The following GBF1 variants were observed in gnomAD, a reference collection of about 807,000 sequenced individuals.
GBF1 encodes Golgi-specific brefeldin A-resistance guanine nucleotide exchange factor 1.
A neutral mutation model predicts 210.5 loss-of-function variants in GBF1; 114 were observed. That is an observed-to-expected ratio of 0.54 (90% CI 0.47 to 0.63). The LOEUF is 0.63. Ranked by LOEUF, GBF1 falls within the 30% of genes least tolerant of loss-of-function variation. The probability of loss-of-function intolerance (pLI) is 0.00; values close to 1 mark genes in which losing one functional copy is unlikely to be tolerated. For missense variants in GBF1, 1,851 were observed against 2,357.7 expected (o/e 0.79, Z 4.45); for synonymous variants, 850 against 889.2 (o/e 0.96, Z 0.78).
In GBF1 at chr10:102,358,640, G is replaced by T. The variant is rs891943686; in HGVS notation, c.922G>T (p.Asp308Tyr). 6.2e-7 allele frequency: 1 copy of T among 1,613,928 alleles called. No homozygotes were observed. The highest frequency in any genetic ancestry group is 8.5e-7 in the Non-Finnish European group (1 of 1,179,912). The change falls in exon 10 of 40, where the codon GAT (aspartate) becomes TAT (tyrosine). Residue 308 changes from aspartate to tyrosine, a missense_variant. Asp to Tyr is a radical substitution (Grantham distance 160). Around this residue, in one of 3 missense-constraint regions of GBF1, gnomAD observed 804 missense variants for 958.6 expected, o/e 0.84. Coordinates refer to ENST00000369983, the MANE Select transcript of GBF1 (RefSeq NM_001377137.1). ...SQTTSKEDLT[D>Y]LEQPGSPGYS... Reference sequence around the variant, plus strand: ...AACCACTTCCAAGGAAGACCTTACTGATCTAGAGCAACCTGGCTCTCCAGG... The same window carrying T: ...AACCACTTCCAAGGAAGACCTTACTTATCTAGAGCAACCTGGCTCTCCAGG...
chr10:102,274,262 T>C (rs1257089744), intron 3 of GBF1, among the ~76,000 whole-genome samples: 1 of 152,088 alleles, frequency 6.6e-6, no homozygotes, highest in Non-Finnish European at 1.5e-5. Context: ...TATGCTTTGG[T>C]TTGCTGAAAG....
At chr10:102,234,768 G>T in the GBF1 span, among the ~76,000 whole-genome samples, 2 of 152,186 alleles carry the variant, frequency 1.3e-5, no homozygotes, top group African/African-American at 2.4e-5. Flanking sequence ...GGGAAAAGCA[G>T]TCCCACCCTT....
At chr10:102,380,741 C>T in intron 38 of GBF1, 55 bp downstream of exon 38, 3 of 1,412,920 alleles carry the variant, frequency 2.1e-6, no homozygotes, top group Non-Finnish European at 2.9e-6. Flanking sequence ...GGCACAATGG[C>T]TCACACCTCT....
chr10:102,276,916 A>C (rs1035241057), intron 3 of GBF1, among the ~76,000 whole-genome samples: 1 of 152,100 alleles, frequency 6.6e-6, no homozygotes, highest in Non-Finnish European at 1.5e-5. Context: ...AATAATTTCA[A>C]ATTTAAAGGT....
intron 1 of GBF1, 38 bp from the exon 2 acceptor site, chr10:102,258,890 CA>C: frequency 9.2e-7 from 1 of 1,087,792 alleles, no homozygotes; most frequent in Non-Finnish European, 1.4e-6. Context: ...TTTGGGTAAC[CA>C]AATATTAACC....
chr10:102,368,950 C>A, intron 23 of GBF1, 118 bp downstream of exon 23: 1 of 706,160 alleles, frequency 1.4e-6, no homozygotes, highest in Non-Finnish European at 2.5e-6. Flanking sequence ...ACTGCCCCCA[C>A]TTGAATATAC....
chr10:102,278,275 C>CT (rs75537807), intron 3 of GBF1, among the ~76,000 whole-genome samples: 7,990 of 142,418 alleles, frequency 0.056, 223 homozygotes, highest in Non-Finnish European at 0.064. Flanking sequence ...AACAAAAACA[C>CT]TTTTTTTTTT....
At chr10:102,339,094 G>A (rs2057987073) in intron 3 of GBF1, among the ~76,000 whole-genome samples, 1 of 152,230 alleles carries the variant, frequency 6.6e-6, no homozygotes, top group African/African-American at 2.4e-5. Flanking sequence ...CGGGCATGGT[G>A]GCTCACGCCT....
At chr10:102,306,462 C>T (rs1385038840) in intron 3 of GBF1, among the ~76,000 whole-genome samples, 2 of 152,112 alleles carry the variant, frequency 1.3e-5, no homozygotes, top group African/African-American at 2.4e-5. Context: ...CTGCTCTTGT[C>T]GCCCAGGCTG....
intron 6 of GBF1, 140 bp from the exon 7 acceptor site, chr10:102,352,318 C>A: frequency 1.5e-6 from 1 of 674,504 alleles, no homozygotes; most frequent in Non-Finnish European, 2.7e-6. Context: ...TTCTGGCTGC[C>A]AGGCTGAGCT....
chr10:102,354,820 G>GAGCT (rs772801340), intron 8 of GBF1, among the ~76,000 whole-genome samples: 14 of 152,156 alleles, frequency 9.2e-5, no homozygotes, highest in Non-Finnish European at 1.6e-4. Context: ...CCTTGTCTCA[G>GAGCT]AGCTGGCATA....
Position 102,260,018 on chromosome 10 carries a change from TA to T in GBF1, c.97-30del, listed in dbSNP as rs765045197. 5 of 1,270,528 alleles carry T rather than the reference TA, an allele frequency of 3.9e-6. No individual in the cohort carries two copies. The South Asian group carries it at 6.1e-5, about 16-fold the overall frequency. The allele number at this position is 1,270,528 out of a possible 1,614,324, so 78.7% of individuals were successfully genotyped here. A position where few individuals can be genotyped will look rare whatever the true frequency, so the allele number is the denominator to read the frequency against. On this transcript the variant is annotated intron_variant, in intron 2 of 39. Coordinates refer to ENST00000369983, the MANE Select transcript of GBF1 (RefSeq NM_001377137.1). ...TTTTCCTTTTCCTCTTTTGGCCCAATAATGACTTACTTTAATCTATGTGTTC... is the reference window on the plus strand; with the variant it reads ...TTTTCCTTTTCCTCTTTTGGCCCAATATGACTTACTTTAATCTATGTGTTC...
chr10:102,265,780 A>G (rs1440281202), intron 3 of GBF1, among the ~76,000 whole-genome samples: 1 of 152,156 alleles, frequency 6.6e-6, no homozygotes, highest in Non-Finnish European at 1.5e-5. Flanking sequence ...TAAAGCCTTC[A>G]GGGCCAGGGC....
chr10:102,232,127 G>A, the GBF1 span: 1 of 1,225,174 alleles, frequency 8.2e-7, no homozygotes, highest in Non-Finnish European at 1.2e-6. Context: ...CAGGGTAATG[G>A]GGGTAAAATC....
chr10:102,352,832 G>A (rs543994747), intron 7 of GBF1, among the ~76,000 whole-genome samples: 2 of 152,298 alleles, frequency 1.3e-5, no homozygotes, highest in East Asian at 3.9e-4. Flanking sequence ...CCAAACTCAA[G>A]GGATCATGAT....
At chr10:102,285,761 C>T (rs186946142) in intron 3 of GBF1, among the ~76,000 whole-genome samples, 14 of 152,208 alleles carry the variant, frequency 9.2e-5, no homozygotes, top group South Asian at 2.1e-4. Context: ...AAATCTAGGA[C>T]GCTGGAACTT....
chr10:102,352,449 C>A lies in GBF1; in HGVS notation c.524-9C>A. On this transcript the variant is annotated splice_polypyrimidine_tract_variant and intron_variant, in intron 6 of 39. Transcript: ENST00000369983. The stretch of plus-strand genomic sequence containing the variant: ...ATGACACCTGTGTTATTTGTTTTTG[C>A]CTGTGCAGAGTTATTGAGAAAATCC... 1.3e-6 allele frequency: 2 copies of A among 1,594,582 alleles called. No individual in the cohort carries two copies. Among genetic ancestry groups the A allele is most frequent in the Non-Finnish European group, 1.7e-6 (2 of 1,162,192 alleles).
intron 3 of GBF1, among the ~76,000 whole-genome samples, chr10:102,329,451 GT>G (rs1384455073): frequency 6.6e-6 from 1 of 152,082 alleles, no homozygotes; most frequent in Non-Finnish European, 1.5e-5. Context: ...GGATGGTTGA[GT>G]TTTAAAATTT....
chr10:102,259,334 T>C (rs182605075), intron 2 of GBF1, among the ~76,000 whole-genome samples: 106 of 152,326 alleles, frequency 7.0e-4, no homozygotes, highest in Middle Eastern at 3.4e-3. Context: ...CTTTATTTTC[T>C]AATTCTTTAG....
Sources: gnomAD v4.1 joint callset for allele counts (sites outside exome capture counted in the v4.1 genomes callset) on GRCh38, gnomAD v4.1.1 for gene constraint, gnomAD v4.1.1 regional missense constraint, MANE v1.5 for transcripts, NCBI Gene and HGNC (gene_info 2026-07-23, HGNC 2026-07-21) for gene names.